Variants in PTPRD observed in about 807,000 individuals in gnomAD.
The protein encoded by PTPRD is receptor-type tyrosine-protein phosphatase delta.
In PTPRD, 34 loss-of-function variants were observed where a neutral mutation model predicts 214.5. The observed-to-expected ratio is 0.16, with a 90% CI of 0.12 to 0.21. PTPRD has a LOEUF of 0.21. Among genes scored for constraint, PTPRD ranks in the 10% least tolerant of loss-of-function variants. PTPRD has a pLI of 1.00. For missense variants in PTPRD, 2,545 were observed against 2,398.7 expected (o/e 1.06, Z -1.27); for synonymous variants, 1,128 against 845.7 (o/e 1.33, Z -5.79).
intron 3 of PTPRD, among the ~76,000 whole-genome samples, chr9:10,064,082 T>G (rs1391619941): frequency 6.6e-6 from 1 of 151,998 alleles, no homozygotes; most frequent in East Asian, 1.9e-4. Flanking sequence ...TCTTCATTTA[T>G]TTAGGTCTTT....
chr9:9,687,110 G>A (rs1213698629), intron 7 of PTPRD, among the ~76,000 whole-genome samples: 1 of 151,680 alleles, frequency 6.6e-6, no homozygotes, highest in African/African-American at 2.4e-5. Context: ...CTCAGTAGAA[G>A]GTGAGGAGAG....
At chr9:8,838,641 T>C (rs911268071) in intron 11 of PTPRD, among the ~76,000 whole-genome samples, 2 of 152,104 alleles carry the variant, frequency 1.3e-5, no homozygotes, top group Non-Finnish European at 2.9e-5. Flanking sequence ...TCTATGTGTA[T>C]ATAACTCTTG....
chr9:8,482,793 C>T (rs1045160927), intron 30 of PTPRD, among the ~76,000 whole-genome samples: 6 of 152,178 alleles, frequency 3.9e-5, no homozygotes, highest in African/African-American at 1.2e-4. Flanking sequence ...TGGGATCCAG[C>T]CGTATGGCAC....
chr9:9,883,670 C>A (rs904263747), intron 5 of PTPRD, among the ~76,000 whole-genome samples: 2 of 152,186 alleles, frequency 1.3e-5, no homozygotes, highest in Non-Finnish European at 2.9e-5. Context: ...TGGTGACATA[C>A]AACCACTGCC....
rs565756431 is a variant in PTPRD, at chr9:9,262,539, C to T, written c.-202-79176G>A. ...TTGGGCAGTGTAGCTCTTGATTGTC[C>T]AAGATATGCCTTTTTATACAGAAAT... On this transcript the variant is annotated intron_variant, in intron 9 of 45. Coordinates refer to ENST00000381196, the MANE Select transcript of PTPRD (RefSeq NM_002839.4). 2.7e-5 allele frequency among the ~76,000 whole-genome samples: 4 copies of T among 150,916 alleles called. No individual in the cohort carries two copies. In the East Asian group the frequency reaches 7.9e-4, roughly 30 times the overall value.
At chr9:8,353,838 A>ATGTGTATATATGTATATATGTGTATG (rs756242146) in intron 39 of PTPRD, among the ~76,000 whole-genome samples, 1 of 46,660 alleles carries the variant, frequency 2.1e-5, no homozygotes, top group African/African-American at 5.8e-5. Context: ...ATATGTATAT[A>ATGTGTATATATGTATATATGTGTATG]TGTATATATG....
chr9:9,340,092 G>A (rs1162158403), intron 9 of PTPRD, among the ~76,000 whole-genome samples: 1 of 152,032 alleles, frequency 6.6e-6, no homozygotes, highest in African/African-American at 2.4e-5. Flanking sequence ...AGGAAAGAGT[G>A]AAAAATAACA....
intron 9 of PTPRD, among the ~76,000 whole-genome samples, chr9:9,362,705 A>G (rs940320920): frequency 4.0e-5 from 6 of 151,230 alleles, no homozygotes; most frequent in Non-Finnish European, 8.9e-5. Context: ...ATAACTATCC[A>G]TTGTTTCTTT....
chr9:9,882,263 G>T (rs548277910), intron 5 of PTPRD, among the ~76,000 whole-genome samples: 1 of 152,044 alleles, frequency 6.6e-6, no homozygotes, highest in South Asian at 2.1e-4. Flanking sequence ...CAGAAGGATC[G>T]AAATTAGAAT....
At chr9:10,009,867 G>C (rs188626225) in intron 4 of PTPRD, among the ~76,000 whole-genome samples, 36 of 152,058 alleles carry the variant, frequency 2.4e-4, no homozygotes, top group African/African-American at 8.2e-4. Flanking sequence ...TTTTGCTACA[G>C]TCTGTTCTGT....
intron 9 of PTPRD, among the ~76,000 whole-genome samples, chr9:9,357,447 A>C (rs1258885790): frequency 6.6e-6 from 1 of 151,304 alleles, no homozygotes; most frequent in African/African-American, 2.4e-5. Context: ...TGTAATCATT[A>C]GGTCTGAAAT....
intron 10 of PTPRD, among the ~76,000 whole-genome samples, chr9:9,118,048 A>G (rs1334184088): frequency 2.0e-5 from 3 of 152,194 alleles, no homozygotes; most frequent in Non-Finnish European, 4.4e-5. Context: ...ACTGAAGCAT[A>G]AACTCCCTGG....
At chr9:10,240,688 A>C (rs1350831917) in intron 3 of PTPRD, among the ~76,000 whole-genome samples, 3 of 151,948 alleles carry the variant, frequency 2.0e-5, no homozygotes, top group Non-Finnish European at 2.9e-5. Flanking sequence ...ATTGATTATT[A>C]ATGCCTAATA....
At chr9:10,397,222 A>G in intron 2 of PTPRD, among the ~76,000 whole-genome samples, 1 of 152,058 alleles carries the variant, frequency 6.6e-6, no homozygotes, top group East Asian at 1.9e-4. Context: ...TTTACCAGTT[A>G]ACACCTATGT....
At chr9:9,271,134 T>A (rs745469900) in intron 9 of PTPRD, among the ~76,000 whole-genome samples, 11 of 151,234 alleles carry the variant, frequency 7.3e-5, no homozygotes, top group Non-Finnish European at 1.5e-4. Flanking sequence ...AATTACATAT[T>A]AGAATTAGAA....
intron 3 of PTPRD, among the ~76,000 whole-genome samples, chr9:10,301,784 T>G (rs1358204737): frequency 1.3e-5 from 2 of 152,214 alleles, no homozygotes; most frequent in South Asian, 4.2e-4. Context: ...AAAGACCAAA[T>G]CTACATTTGA....
At chr9:10,299,551 G>T (rs1238670186) in intron 3 of PTPRD, among the ~76,000 whole-genome samples, 2 of 152,040 alleles carry the variant, frequency 1.3e-5, no homozygotes, top group Admixed American at 6.6e-5. Context: ...TCCTTATAAG[G>T]GAAGAATACT....
At chr9:8,856,782 G>C (rs2097923611) in intron 11 of PTPRD, among the ~76,000 whole-genome samples, 1 of 152,178 alleles carries the variant, frequency 6.6e-6, no homozygotes, top group South Asian at 2.1e-4. Flanking sequence ...CCAAATTAAT[G>C]AAAGCCAAGC....
chr9:9,555,266 T>C (rs2154287412), intron 8 of PTPRD, among the ~76,000 whole-genome samples: 1 of 152,194 alleles, frequency 6.6e-6, no homozygotes, highest in South Asian at 2.1e-4. Context: ...AGGGCAGATA[T>C]ATGGCCACAG....
Sources: allele counts gnomAD v4.1 joint callset (sites outside exome capture counted in the v4.1 genomes callset), GRCh38; gene constraint gnomAD v4.1.1; transcripts MANE v1.5; gene names NCBI Gene and HGNC (gene_info 2026-07-23, HGNC 2026-07-21).